KIF1A: variants seen among roughly 807,000 people sequenced by gnomAD.
KIF1A encodes kinesin family member 1A.
Under a neutral mutation model 227.3 loss-of-function variants are expected in KIF1A, and 46 were observed. The observed-to-expected ratio is 0.20, with a 90% CI of 0.16 to 0.26. The LOEUF is 0.26. Among genes scored for constraint, KIF1A ranks in the 10% least tolerant of loss-of-function variants. The pLI, the probability that KIF1A is intolerant of heterozygous loss-of-function variation, is 1.00. For missense variants in KIF1A, 1,683 were observed against 2,485.9 expected (o/e 0.68, Z 6.87); for synonymous variants, 1,022 against 1,012.8 (o/e 1.01, Z -0.17).
rs756211604 is a variant in KIF1A, at chr2:240,771,037, G to A, written c.1275C>T (p.Ser425=). 96 of 1,613,152 alleles carry A rather than the reference G, an allele frequency of 6.0e-5. No individual in the cohort carries two copies. The highest frequency in any genetic ancestry group is 6.8e-5 in the Non-Finnish European group (80 of 1,179,824). Reference sequence around the variant, plus strand: ...AGATGCGCTCGTGGAGGCTGGACACGGAGGCCGCGCGGCTGGACAGGGCTG... The same window carrying A: ...AGATGCGCTCGTGGAGGCTGGACACAGAGGCCGCGCGGCTGGACAGGGCTG... ...SLSALSSRAA[S]VSSLHERILF... is the part of the protein sequence containing the mutation. Residue 425 remains serine (S), a synonymous_variant, in exon 15 of 49, where the codon TCC becomes TCT. Coordinates refer to ENST00000498729, the MANE Select transcript of KIF1A (RefSeq NM_001244008.2).
chr2:240,775,822 T>C lies in KIF1A; in HGVS notation c.958+29A>G. On this transcript the variant is annotated intron_variant, in intron 11 of 48. Transcript: ENST00000498729. This position sits in a 1 kb window ranked among gnomAD's most constrained non-coding sequence, Gnocchi z 5.5. ...ACAGCCCAGGGTGGGATCAGAGCCC[T>C]GGGGACAGGCAAACCCACAAGTTCT... 3 of 1,508,888 alleles carry C rather than the reference T, an allele frequency of 2.0e-6. No homozygotes were observed. The highest frequency in any genetic ancestry group is 1.8e-6 in the Non-Finnish European group (2 of 1,084,066). 93.5% of individuals were successfully genotyped at this position (1,508,888 alleles called of 1,614,324 possible). A position where few individuals can be genotyped will look rare whatever the true frequency, so the allele number is the denominator to read the frequency against.
intron 45 of KIF1A, 129 bp from the exon 46 acceptor site, chr2:240,720,055 T>C: frequency 1.1e-6 from 1 of 893,532 alleles, no homozygotes. Context: ...TCTCTCCAGC[T>C]GTGCCCACAG....
upstream of KIF1A, chr2:240,820,258 C>G (rs937204475): frequency 6.7e-6 from 1 of 149,950 alleles, no homozygotes; most frequent in African/African-American, 2.4e-5. This position sits in a 1 kb window ranked among gnomAD's most constrained non-coding sequence, Gnocchi z 6.2. Context: ...GCCCCCGGCC[C>G]GGACCGCCCC....
rs67736580 is a variant in KIF1A at position 240,766,722 on chromosome 2, A to ATCTCTCTCTCTC, written c.1684+181_1684+192dup. Among the ~76,000 whole-genome samples the ATCTCTCTCTCTC allele has an allele frequency of 1.1e-4, 14 of 122,700 alleles. No homozygotes were observed. The highest frequency in any genetic ancestry group is 2.8e-4 in the African/African-American group (8 of 28,414). The allele number at this position is 122,700 out of a possible 152,430, so 80.5% of individuals were successfully genotyped here. A position where few individuals can be genotyped will look rare whatever the true frequency, so the allele number is the denominator to read the frequency against. ...CCCAAATATCTCTCTCTCTCTCCAA[A>ATCTCTCTCTCTC]TCTCTCTCTCTCTCTCTCTCTCTCT... On this transcript the variant is annotated intron_variant, in intron 19 of 48. Coordinates refer to ENST00000498729, the MANE Select transcript of KIF1A (RefSeq NM_001244008.2). The surrounding 1 kb of genome is among the most constrained non-coding windows in gnomAD (Gnocchi z 5.0).
intron 38 of KIF1A, among the ~76,000 whole-genome samples, chr2:240,734,917 T>C (rs371739133): frequency 6.6e-6 from 1 of 151,988 alleles, no homozygotes; most frequent in South Asian, 2.1e-4. Flanking sequence ...GAAAAGCGCA[T>C]GGAAGGCCAA....
chr2:240,775,780 C>T lies in KIF1A; in HGVS notation c.958+71G>A, dbSNP rs1429048156. On this transcript the variant is annotated intron_variant, in intron 11 of 48. Coordinates refer to ENST00000498729, the MANE Select transcript of KIF1A (RefSeq NM_001244008.2). The surrounding 1 kb of genome is among the most constrained non-coding windows in gnomAD (Gnocchi z 5.5). ...GCCTGCTGGCGACTGGGCACCCCCT[C>T]AGTGGGGAAGAAGGGCACAGCCCAG... 83 of 1,036,290 alleles carry T rather than the reference C, an allele frequency of 8.0e-5. 1 individual carries two copies. Among genetic ancestry groups the T allele is most frequent in the Non-Finnish European group, 9.1e-5 (60 of 655,924 alleles). The allele number at this position is 1,036,290 out of a possible 1,614,324, so 64.2% of individuals were successfully genotyped here.
At chr2:240,770,890 G>A in intron 15 of KIF1A, 81 bp downstream of exon 15, 1 of 1,523,168 alleles carries the variant, frequency 6.6e-7, no homozygotes, top group African/African-American at 1.4e-5. Flanking sequence ...CTGTACCCAG[G>A]AGGGCAGGGT....
rs1236831752 is a variant in KIF1A at position 240,788,163 on chromosome 2, T to C, written c.251A>G (p.His84Arg). Reference protein sequence around the residue: ...YRDIGEEMLQHAFEGYNVCIF... With the variant: ...YRDIGEEMLQRAFEGYNVCIF... Reference sequence around the variant, plus strand: ...GCACACGTTGTATCCCTCAAAGGCATGCTGCAGCATCTCCTCGCCGATGTC... The same window carrying C: ...GCACACGTTGTATCCCTCAAAGGCACGCTGCAGCATCTCCTCGCCGATGTC... The change falls in exon 4 of 49, where the codon CAT (histidine) becomes CGT (arginine). Residue 84 changes from histidine (H) to arginine (R), a missense_variant. Around this residue, in one of 12 missense-constraint regions of KIF1A, gnomAD observed 71 missense variants for 129.1 expected, o/e 0.55. Coordinates refer to ENST00000498729, the MANE Select transcript of KIF1A (RefSeq NM_001244008.2). This position sits in a 1 kb window ranked among gnomAD's most constrained non-coding sequence, Gnocchi z 6.6. 1 of 1,613,718 alleles carries C rather than the reference T, an allele frequency of 6.2e-7. No homozygotes were observed. Among genetic ancestry groups the C allele is most frequent in the South Asian group, 1.1e-5 (1 of 91,054 alleles).
chr2:240,770,224 T>C (rs2125944173), intron 15 of KIF1A, among the ~76,000 whole-genome samples: 1 of 152,166 alleles, frequency 6.6e-6, no homozygotes, highest in African/African-American at 2.4e-5. Context: ...TCTCCAGGCG[T>C]GTGGCTCACC....
chr2:240,787,966 C>G, intron 4 of KIF1A, 85 bp downstream of exon 4: 1 of 1,330,928 alleles, frequency 7.5e-7, no homozygotes, highest in African/African-American at 1.5e-5. Context: ...GGGCTGCTCT[C>G]AGGGGTGCCT....
At chr2:240,811,674 A>T (rs970981315) in intron 1 of KIF1A, among the ~76,000 whole-genome samples, 1 of 152,118 alleles carries the variant, frequency 6.6e-6, no homozygotes, top group African/African-American at 2.4e-5. Context: ...AGAAGCATGA[A>T]CTGGTCCTGT....
intron 1 of KIF1A, among the ~76,000 whole-genome samples, chr2:240,808,659 C>A (rs997121136): frequency 3.3e-5 from 5 of 151,892 alleles, no homozygotes; most frequent in African/African-American, 1.2e-4. Context: ...GGCAACAGAG[C>A]AAGATCTTCT....
chr2:240,750,921 C>A (rs1054233185), intron 27 of KIF1A, among the ~76,000 whole-genome samples: 1 of 152,208 alleles, frequency 6.6e-6, no homozygotes, highest in South Asian at 2.1e-4. Flanking sequence ...CCTTTTCACA[C>A]TGGCACTGAT....
At position 240,766,800 on chromosome 2, in the gene KIF1A, G is replaced by A; in HGVS notation, c.1684+115C>T. ...ACACACACACACGTCCTGCCTAGAA[G>A]TATGACTCGCGACCCACTTAGTGCT... On this transcript the variant is annotated intron_variant, in intron 19 of 48. Transcript: ENST00000498729. The surrounding 1 kb of genome is among the most constrained non-coding windows in gnomAD (Gnocchi z 5.0). 1 of 521,920 alleles carries A rather than the reference G, an allele frequency of 1.9e-6. No homozygotes were observed. Among genetic ancestry groups the A allele is most frequent in the Non-Finnish European group, 3.5e-6 (1 of 287,058 alleles). 32.3% of individuals were successfully genotyped at this position (521,920 alleles called of 1,614,324 possible).
intron 37 of KIF1A, among the ~76,000 whole-genome samples, chr2:240,738,718 C>T (rs1559489691): frequency 1.3e-5 from 2 of 152,326 alleles, no homozygotes; most frequent in East Asian, 3.9e-4. Context: ...AACAGACACT[C>T]CTGTTGGCCT....
chr2:240,782,196 G>A (rs1344221745), intron 10 of KIF1A: 6 of 985,072 alleles, frequency 6.1e-6, no homozygotes, highest in South Asian at 4.7e-5. Context: ...GCCCCGTCAC[G>A]CCTACGGCTG....
chr2:240,765,307 C>T (rs574527558), intron 20 of KIF1A, among the ~76,000 whole-genome samples: 1 of 152,350 alleles, frequency 6.6e-6, no homozygotes, highest in African/African-American at 2.4e-5. Flanking sequence ...ACTGGAGCAG[C>T]CCACCCCACT....
intron 9 of KIF1A, 82 bp downstream of exon 9, chr2:240,782,962 G>T: frequency 8.5e-7 from 1 of 1,174,710 alleles, no homozygotes; most frequent in Non-Finnish European, 1.3e-6. Context: ...CACAGGGCCC[G>T]GAAACGAGGG....
chr2:240,787,116 G>A (rs1227038470), intron 5 of KIF1A, 135 bp downstream of exon 5: 2 of 728,814 alleles, frequency 2.7e-6, no homozygotes, highest in East Asian at 5.3e-5. Flanking sequence ...CGTCTTGCCT[G>A]CCACTTGGAT....
Sources: allele counts gnomAD v4.1 joint callset (sites outside exome capture counted in the v4.1 genomes callset), GRCh38; gene constraint gnomAD v4.1.1; regional missense constraint gnomAD v4.1.1; non-coding constraint Gnocchi (gnomAD v3.1); transcripts MANE v1.5; gene names NCBI Gene and HGNC (gene_info 2026-07-23, HGNC 2026-07-21).